Variants in HTR2C observed in about 807,000 individuals in gnomAD.
HTR2C encodes 5-hydroxytryptamine receptor 2C, also known as 5-hydroxytryptamine (serotonin) receptor 2C, G protein-coupled.
A neutral mutation model predicts 21.0 loss-of-function variants in HTR2C; 5 were observed. That is an observed-to-expected ratio of 0.24 (90% CI 0.12 to 0.50). HTR2C has a LOEUF of 0.50. HTR2C is among the 20% of genes least tolerant of loss of function. The probability of loss-of-function intolerance (pLI) is 0.98; values close to 1 mark genes in which losing one functional copy is unlikely to be tolerated. For missense variants in HTR2C, 271 were observed against 371.2 expected, an observed-to-expected ratio of 0.73 and a Z score of 2.22; for synonymous variants, 150 against 145.3, an observed-to-expected ratio of 1.03 and a Z score of -0.23.
intron 4 of HTR2C, among the ~76,000 whole-genome samples, chrX:114,842,656 T>C (rs1006704899): frequency 2.7e-5 from 3 of 112,059 alleles, no homozygotes; most frequent in Admixed American, 9.5e-5. Flanking sequence ...TTCTTCCACC[T>C]GTGACCGGGC....
chrX:114,611,241 T>C (rs1416266407), intron 1 of HTR2C, among the ~76,000 whole-genome samples: 3 of 112,286 alleles, frequency 2.7e-5, no homozygotes, highest in African/African-American at 9.7e-5. Flanking sequence ...TTCTTAGCAG[T>C]TCTTGGTCCA....
intron 4 of HTR2C, among the ~76,000 whole-genome samples, chrX:114,734,822 C>G (rs1417803071): frequency 1.1e-4 from 12 of 109,966 alleles, no homozygotes; most frequent in African/African-American, 3.6e-4. Flanking sequence ...GCTATAAATT[C>G]TAGTATACAG....
At chrX:114,589,734 A>G (rs781816296) in intron 1 of HTR2C, 34 of 267,129 alleles carry the variant, frequency 1.3e-4, no homozygotes, top group Non-Finnish European at 1.9e-4. Flanking sequence ...GGAAAGCAGC[A>G]TTATGACAGG....
chrX:114,784,045 A>T (rs2070146768), intron 4 of HTR2C, among the ~76,000 whole-genome samples: 1 of 110,160 alleles, frequency 9.1e-6, no homozygotes, highest in Non-Finnish European at 1.9e-5. Flanking sequence ...ATTAAACCTA[A>T]GGAAAATAGA....
chrX:114,641,172 C>T (rs1556406409), intron 2 of HTR2C, among the ~76,000 whole-genome samples: 1 of 109,394 alleles, frequency 9.1e-6, no homozygotes, highest in African/African-American at 3.3e-5. Flanking sequence ...CTCCCTGTCT[C>T]AAGCCATCCT....
At chrX:114,884,592 A>T (rs2071206300) in intron 5 of HTR2C, among the ~76,000 whole-genome samples, 1 of 111,292 alleles carries the variant, frequency 9.0e-6, no homozygotes, top group Non-Finnish European at 1.9e-5. Context: ...GCAAATTAAA[A>T]CCACAATGAG....
chrX:114,809,593 A>G (rs781828257), intron 4 of HTR2C, among the ~76,000 whole-genome samples: 4 of 109,579 alleles, frequency 3.7e-5, no homozygotes, highest in African/African-American at 1.3e-4. Context: ...TGTGTTGGCC[A>G]GGCTGGTCTC....
intron 2 of HTR2C, among the ~76,000 whole-genome samples, chrX:114,616,705 T>G (rs1480205008): frequency 8.9e-6 from 1 of 112,353 alleles, no homozygotes; most frequent in African/African-American, 3.2e-5. Context: ...GCTATAGATG[T>G]ATGTATATAT....
rs931005050 is a variant in HTR2C at position 114,595,081 on chromosome X, A to T, written c.-147+10422A>T. Among the ~76,000 whole-genome samples the T allele has an allele frequency of 1.6e-4, 18 of 111,670 alleles. No homozygotes were observed. In the Admixed American group the frequency reaches 1.6e-3, roughly 10 times the overall value. ...TTGATTTTCAACATAACTTCGACTT[A>T]GTTAGGGCCAGTATTACTACATTGA... is the stretch of plus-strand genomic sequence containing the variant. On this transcript the variant is annotated intron_variant, in intron 1 of 5. Coordinates refer to ENST00000276198, the MANE Select transcript of HTR2C (RefSeq NM_000868.4).
intron 2 of HTR2C, among the ~76,000 whole-genome samples, chrX:114,621,570 A>G (rs1929165602): frequency 8.9e-6 from 1 of 112,187 alleles, no homozygotes; most frequent in Non-Finnish European, 1.9e-5. Context: ...ATGGTATAAG[A>G]TGCCGATCGA....
At chrX:114,598,215 C>T (rs1927942280) in intron 1 of HTR2C, among the ~76,000 whole-genome samples, 1 of 111,388 alleles carries the variant, frequency 9.0e-6, no homozygotes, top group Non-Finnish European at 1.9e-5. Context: ...ACCTCTTTAC[C>T]CCAAAGCCCA....
rs1927289596 is a variant in HTR2C at position 114,584,261 on chromosome X, G to C, written c.-545G>C. On this transcript the variant is annotated 5_prime_UTR_variant, in exon 1 of 6. Transcript: ENST00000276198. ...TTCTGTCTGTACATCGTTGTCGTCGGAGTCGTCGCGATCGTCGTGGCGCTC... is the reference window on the plus strand; with the variant it reads ...TTCTGTCTGTACATCGTTGTCGTCGCAGTCGTCGCGATCGTCGTGGCGCTC... The C allele has an allele frequency of 8.8e-6, 1 of 113,043 alleles. No individual in the cohort carries two copies. Among genetic ancestry groups the C allele is most frequent in the South Asian group, 3.6e-4 (1 of 2,749 alleles). 9.3% of individuals were successfully genotyped at this position (113,043 alleles called of 1,213,427 possible).
intron 4 of HTR2C, among the ~76,000 whole-genome samples, chrX:114,798,902 G>C (rs1339201680): frequency 2.7e-5 from 3 of 110,478 alleles, no homozygotes; most frequent in African/African-American, 9.8e-5. Flanking sequence ...GCTAATTACT[G>C]AATAAAGTAT....
At chrX:114,805,836 A>ATGTATATACACCATC (rs782074691) in intron 4 of HTR2C, among the ~76,000 whole-genome samples, 4 of 8,606 alleles carry the variant, frequency 4.6e-4, no homozygotes, top group Non-Finnish European at 1.1e-3. Flanking sequence ...TATATATACC[A>ATGTATATACACCATC]TATATACCAT....
chrX:114,764,129 T>A (rs2069911212), intron 4 of HTR2C, among the ~76,000 whole-genome samples: 1 of 111,667 alleles, frequency 9.0e-6, no homozygotes, highest in Admixed American at 9.5e-5. Context: ...CTGGGTGCGG[T>A]GGCTCATGCC....
intron 2 of HTR2C, among the ~76,000 whole-genome samples, chrX:114,723,170 T>C (rs1933296077): frequency 9.0e-6 from 1 of 111,612 alleles, no homozygotes; most frequent in Non-Finnish European, 1.9e-5. Context: ...TGGTAAGCTA[T>C]TGATTATTGC....
intron 4 of HTR2C, among the ~76,000 whole-genome samples, chrX:114,802,700 T>A (rs1369848036): frequency 4.2e-5 from 4 of 95,599 alleles, no homozygotes; most frequent in African/African-American, 1.6e-4. Flanking sequence ...CTTTCTTTCT[T>A]TCTTTCTTTC....
At chrX:114,662,166 G>A (rs1011452085) in intron 2 of HTR2C, among the ~76,000 whole-genome samples, 17 of 111,362 alleles carry the variant, frequency 1.5e-4, no homozygotes, top group Non-Finnish European at 2.8e-4. Context: ...ATAACCAATC[G>A]CTTAAGTACT....
At position 114,584,310 on chromosome X, in the gene HTR2C, G is replaced by C. The variant is rs1404435019; in HGVS notation, c.-496G>C. The C allele has an allele frequency of 8.8e-6, 1 of 113,059 alleles. No individual in the cohort carries two copies. The highest frequency in any genetic ancestry group is 1.9e-5 in the Non-Finnish European group (1 of 53,402). The allele number at this position is 113,059 out of a possible 1,213,427, so 9.3% of individuals were successfully genotyped here. A position where few individuals can be genotyped will look rare whatever the true frequency, so the allele number is the denominator to read the frequency against. On this transcript the variant is annotated 5_prime_UTR_variant, in exon 1 of 6. Coordinates refer to ENST00000276198, the MANE Select transcript of HTR2C (RefSeq NM_000868.4). ...TCGTGTGATGGCCTTCGTCCGTTTA[G>C]AGTAGTGTAGTTAGTTAGGGGCCAA...
Sources: gnomAD v4.1 joint callset for allele counts (sites outside exome capture counted in the v4.1 genomes callset) on GRCh38, gnomAD v4.1.1 for gene constraint, MANE v1.5 for transcripts, NCBI Gene and HGNC (gene_info 2026-07-23, HGNC 2026-07-21) for gene names.